Variants in LPXN observed in about 807,000 individuals in gnomAD.
LPXN encodes leupaxin.
A neutral mutation model predicts 45.6 loss-of-function variants in LPXN; 28 were observed. The observed-to-expected ratio is 0.61, with a 90% CI of 0.45 to 0.84. The LOEUF (loss-of-function observed/expected upper bound fraction) is 0.84, where lower values mean the gene tolerates loss of function less well. Among genes scored for constraint, LPXN ranks in the 40% least tolerant of loss-of-function variants. The pLI, the probability that LPXN is intolerant of heterozygous loss-of-function variation, is 0.00. For missense variants in LPXN, 459 were observed against 475.0 expected (o/e 0.97, Z 0.31); for synonymous variants, 166 against 169.9 (o/e 0.98, Z 0.18).
chr11:58,570,577 C>T lies in LPXN; in HGVS notation c.150G>A (p.Gln50=), dbSNP rs765383723. The change falls in exon 2 of 9, where the codon CAG becomes CAA. Residue 50 remains glutamine, a synonymous_variant. Transcript: ENST00000395074. The stretch of plus-strand genomic sequence containing the variant: ...TTACCGGCAAGGGACTTGTGTTATC[C>T]TGAATAGAAAGGATCTCCGAAGTCT... ...LDETSEILSI[Q]DNTSPLPAQL... is the part of the protein sequence containing the mutation. 39 of 1,611,844 alleles carry T rather than the reference C, an allele frequency of 2.4e-5. No individual in the cohort carries two copies.
intron 3 of LPXN, among the ~76,000 whole-genome samples, chr11:58,555,718 C>A (rs1327934741): frequency 3.3e-5 from 5 of 150,752 alleles, no homozygotes; most frequent in Non-Finnish European, 7.4e-5. Context: ...AATTTTCAAA[C>A]CAGTTAGAAA....
At chr11:58,566,378 T>C (rs1854528559) in intron 2 of LPXN, among the ~76,000 whole-genome samples, 1 of 152,220 alleles carries the variant, frequency 6.6e-6, no homozygotes, top group Non-Finnish European at 1.5e-5. Flanking sequence ...AATATCGTCA[T>C]AGGTGCTGTC....
chr11:58,577,316 G>A (rs899525152), upstream of LPXN, among the ~76,000 whole-genome samples: 2 of 152,160 alleles, frequency 1.3e-5, no homozygotes, highest in Non-Finnish European at 2.9e-5. Flanking sequence ...CTATGAAAAT[G>A]GAAAATACTC....
rs1854042940 is a variant in LPXN, at chr11:58,551,223, T to C, written c.328A>G (p.Arg110Gly). ...AAGTGCTTCTTGCCAGCATCTGCTC[T>C]CACTGCAACCTGGCCCAAGGGAAGA... ...LTEMQAKVAV[R>G]ADAGKKHLPD... Residue 110 changes from arginine (R) to glycine (G), a missense_variant, in exon 5 of 9, where the codon AGA becomes GGA. Arg to Gly is a moderately radical substitution (Grantham distance 125). Transcript: ENST00000395074. 6.2e-7 allele frequency: 1 copy of C among 1,605,888 alleles called. No individual in the cohort carries two copies. The highest frequency in any genetic ancestry group is 1.7e-5 in the Admixed American group (1 of 58,308).
In LPXN at chr11:58,554,899, G is replaced by A. The variant is rs775276768; in HGVS notation, c.260C>T (p.Thr87Met). ...EPKESPPPSKTSAAAQLDELM... is the reference protein window; with the variant it reads ...EPKESPPPSKMSAAAQLDELM... ...CTCATCCAACTGAGCAGCTGCTGACGTTTTAGAAGGTGGTGGTGATTCCTT... is the reference window on the plus strand; with the variant it reads ...CTCATCCAACTGAGCAGCTGCTGACATTTTAGAAGGTGGTGGTGATTCCTT... The change falls in exon 4 of 9, where the codon ACG (threonine) becomes ATG (methionine). Residue 87 changes from threonine (T) to methionine (M), a missense_variant. Transcript: ENST00000395074. 1.4e-5 allele frequency: 22 copies of A among 1,613,944 alleles called. No individual in the cohort carries two copies. The highest frequency in any genetic ancestry group is 2.2e-5 in the South Asian group (2 of 91,082).
intron 7 of LPXN, among the ~76,000 whole-genome samples, chr11:58,549,232 A>C (rs1426936542): frequency 6.6e-6 from 1 of 152,162 alleles, no homozygotes; most frequent in African/African-American, 2.4e-5. Context: ...TGTCCCTACT[A>C]AAAATACAAA....
Position 58,528,163 on chromosome 11 carries a change from A to G in LPXN, c.771T>C (p.Tyr257=), listed in dbSNP as rs185960516. Residue 257 remains tyrosine, a synonymous_variant, in exon 8 of 9, where the codon TAT becomes TAC. Coordinates refer to ENST00000395074, the MANE Select transcript of LPXN (RefSeq NM_004811.3). ...EGFHEKDKKP[Y]CRKDFLAMFS... ...ACATGGCTAAGAAATCCTTTCGGCA[A>G]TATGGCTTCTTGTCCTTCTCATGAA... 103 of 1,614,242 alleles carry G rather than the reference A, an allele frequency of 6.4e-5. No individual in the cohort carries two copies. In the Middle Eastern group the frequency reaches 1.8e-3, roughly 28 times the overall value.
intron 7 of LPXN, among the ~76,000 whole-genome samples, chr11:58,541,954 A>G (rs1853737836): frequency 6.7e-6 from 1 of 150,070 alleles, no homozygotes; most frequent in South Asian, 2.1e-4. Flanking sequence ...AAAACCAAAC[A>G]CCGCATGTTC....
intron 1 of LPXN, among the ~76,000 whole-genome samples, chr11:58,572,518 A>G (rs1313843266): frequency 6.6e-6 from 1 of 152,166 alleles, no homozygotes; most frequent in Non-Finnish European, 1.5e-5. Flanking sequence ...AATCTACTGT[A>G]AAAATGAAAC....
intron 7 of LPXN, among the ~76,000 whole-genome samples, chr11:58,537,036 A>G (rs1323509693): frequency 6.6e-6 from 1 of 152,222 alleles, no homozygotes; most frequent in Non-Finnish European, 1.5e-5. Context: ...GATATGGAGA[A>G]ATAGGAATGC....
At chr11:58,565,929 C>T (rs911022020) in intron 2 of LPXN, among the ~76,000 whole-genome samples, 87 of 152,046 alleles carry the variant, frequency 5.7e-4, no homozygotes, top group Non-Finnish European at 7.5e-4. Context: ...ACCCAGGAGG[C>T]GGAGGTTGCA....
chr11:58,558,271 G>A (rs1380817162), intron 3 of LPXN, among the ~76,000 whole-genome samples: 3 of 151,912 alleles, frequency 2.0e-5, no homozygotes, highest in Admixed American at 6.6e-5. Context: ...GGCTGGGTGC[G>A]ATCGTTCATA....
intron 2 of LPXN, among the ~76,000 whole-genome samples, 171 bp from the exon 3 acceptor site, chr11:58,564,372 A>G (rs1331441947): frequency 6.6e-6 from 1 of 152,218 alleles, no homozygotes; most frequent in African/African-American, 2.4e-5. Flanking sequence ...CAGCCATCCC[A>G]CAAAGAAAAG....
chr11:58,575,835 A>G lies in LPXN; in HGVS notation c.-63T>C. 2 of 1,614,134 alleles carry G rather than the reference A, an allele frequency of 1.2e-6. No homozygotes were observed. The highest frequency in any genetic ancestry group is 1.7e-6 in the Non-Finnish European group (2 of 1,179,988). On this transcript the variant is annotated 5_prime_UTR_variant, in exon 1 of 9. Coordinates refer to ENST00000395074, the MANE Select transcript of LPXN (RefSeq NM_004811.3). ...GAGGAACAGCTTTGGCATGTGCTGA[A>G]GAAGAGGACCGCAAAGGAACTGGAT...
intron 7 of LPXN, among the ~76,000 whole-genome samples, chr11:58,544,196 AC>A (rs938718275): frequency 6.6e-5 from 10 of 152,306 alleles, no homozygotes; most frequent in African/African-American, 2.2e-4. Flanking sequence ...CGTAAGTCCT[AC>A]TATTTAAGAA....
intron 3 of LPXN, among the ~76,000 whole-genome samples, chr11:58,556,032 A>G (rs2120352767): frequency 6.6e-6 from 1 of 152,244 alleles, no homozygotes; most frequent in South Asian, 2.1e-4. Context: ...AAATACATAG[A>G]AAAATATGGA....
Position 58,527,350 on chromosome 11 carries a change from TAAGAC to T in LPXN, c.*99_*103del. On this transcript the variant is annotated 3_prime_UTR_variant, in exon 9 of 9. Coordinates refer to ENST00000395074, the MANE Select transcript of LPXN (RefSeq NM_004811.3). ...TTGCTCATCACCTTTCCTTTTTCTA[TAAGAC>T]TATTAAGCAGAAGGTCAGTAACAGA... 1 of 1,187,084 alleles carries T rather than the reference TAAGAC, an allele frequency of 8.4e-7. No homozygotes were observed. Among genetic ancestry groups the T allele is most frequent in the Non-Finnish European group, 1.2e-6 (1 of 828,730 alleles). The allele number at this position is 1,187,084 out of a possible 1,614,324, so 73.5% of individuals were successfully genotyped here. A position where few individuals can be genotyped will look rare whatever the true frequency, so the allele number is the denominator to read the frequency against.
intron 7 of LPXN, among the ~76,000 whole-genome samples, chr11:58,534,788 GA>G (rs1296195402): frequency 5.3e-5 from 8 of 151,710 alleles, no homozygotes; most frequent in Admixed American, 6.6e-5. Context: ...CACTAATAAA[GA>G]AAAAAAGAGA....
chr11:58,556,670 G>T (rs2120353046), intron 3 of LPXN, among the ~76,000 whole-genome samples: 1 of 152,186 alleles, frequency 6.6e-6, no homozygotes, highest in South Asian at 2.1e-4. Context: ...TCAGGGTGGT[G>T]ATTAGATACA....
Sources: gnomAD v4.1 joint callset for allele counts (sites outside exome capture counted in the v4.1 genomes callset) on GRCh38, gnomAD v4.1.1 for gene constraint, MANE v1.5 for transcripts, NCBI Gene and HGNC (gene_info 2026-07-23, HGNC 2026-07-21) for gene names.